Variants in STK17A observed in about 807,000 individuals in gnomAD.
STK17A encodes the protein serine/threonine-protein kinase 17A.
Under a neutral mutation model 43.7 loss-of-function variants are expected in STK17A, and 26 were observed. The ratio of observed to expected loss-of-function variants is 0.60; its 90% CI spans 0.44 to 0.83. The LOEUF (loss-of-function observed/expected upper bound fraction) is 0.83, where lower values mean the gene tolerates loss of function less well. Among genes scored for constraint, STK17A ranks in the 40% least tolerant of loss-of-function variants. STK17A has a pLI of 0.00. For synonymous variants in STK17A, 191 were observed against 182.5 expected (o/e 1.05, Z -0.38); for missense variants, 476 against 511.6 (o/e 0.93, Z 0.67).
intron 3 of STK17A, among the ~76,000 whole-genome samples, chr7:43,614,160 C>T (rs10215311): frequency 0.11 from 16,088 of 152,174 alleles, 1,195 homozygotes; most frequent in Non-Finnish European, 0.15. Flanking sequence ...TCTTAGCCGC[C>T]AAATCTTCTC....
chr7:43,616,725 G>A (rs562150829), intron 3 of STK17A, among the ~76,000 whole-genome samples: 274 of 152,114 alleles, frequency 1.8e-3, no homozygotes, highest in Non-Finnish European at 2.9e-3. Flanking sequence ...GTGAAACCCC[G>A]TCTCTACTAA....
At position 43,627,031 on chromosome 7, in the gene STK17A, T is replaced by C. The variant is rs1298132546; in HGVS notation, c.*2189T>C. Among the ~76,000 whole-genome samples, 2 of 152,236 alleles carry C rather than the reference T, an allele frequency of 1.3e-5. No individual in the cohort carries two copies. The highest frequency in any genetic ancestry group is 2.9e-5 in the Non-Finnish European group (2 of 68,044). On this transcript the variant is annotated 3_prime_UTR_variant, in exon 7 of 7. Transcript: ENST00000319357. ...TAACTGCCAGCTAGCTCTACACTTATCTAAAGCTGTTAATGTTCCTTTTTT... is the reference window on the plus strand; with the variant it reads ...TAACTGCCAGCTAGCTCTACACTTACCTAAAGCTGTTAATGTTCCTTTTTT...
At chr7:43,590,265 A>C (rs932853551) in intron 1 of STK17A, among the ~76,000 whole-genome samples, 8 of 151,324 alleles carry the variant, frequency 5.3e-5, no homozygotes, top group South Asian at 4.1e-4. Context: ...TTTTCTAAAC[A>C]ATTATTTTCA....
At chr7:43,601,290 A>G (rs2082552741) in intron 2 of STK17A, among the ~76,000 whole-genome samples, 1 of 152,248 alleles carries the variant, frequency 6.6e-6, no homozygotes, top group Non-Finnish European at 1.5e-5. Context: ...AATCCCTTCT[A>G]AAGAAATAAT....
At position 43,624,903 on chromosome 7, in the gene STK17A, A is replaced by G. The variant is rs2084335933; in HGVS notation, c.*61A>G. On this transcript the variant is annotated 3_prime_UTR_variant, in exon 7 of 7. Coordinates refer to ENST00000319357, the MANE Select transcript of STK17A (RefSeq NM_004760.3). ...TTGAAAATGTTAATATTATTTATGGACCTCTGGCCAAATGGTACATGTACT... is the reference window on the plus strand; with the variant it reads ...TTGAAAATGTTAATATTATTTATGGGCCTCTGGCCAAATGGTACATGTACT... 2.2e-6 allele frequency: 3 copies of G among 1,393,462 alleles called. No homozygotes were observed. The highest frequency in any genetic ancestry group is 2.9e-5 in the African/African-American group (2 of 68,988). 86.3% of individuals were successfully genotyped at this position (1,393,462 alleles called of 1,614,324 possible). A position where few individuals can be genotyped will look rare whatever the true frequency, so the allele number is the denominator to read the frequency against.
intron 2 of STK17A, among the ~76,000 whole-genome samples, chr7:43,600,790 G>A (rs527478749): frequency 6.4e-4 from 97 of 152,280 alleles, no homozygotes; most frequent in African/African-American, 2.3e-3. Flanking sequence ...ATGTTGACCA[G>A]GCTTGTCTCA....
intron 1 of STK17A, among the ~76,000 whole-genome samples, chr7:43,585,310 C>G (rs1280799095): frequency 1.4e-5 from 2 of 142,578 alleles, no homozygotes; most frequent in African/African-American, 2.5e-5. Context: ...CAAGCACTGT[C>G]TTGGAGATGT....
At chr7:43,600,578 T>C (rs187109063) in intron 2 of STK17A, among the ~76,000 whole-genome samples, 36 of 152,322 alleles carry the variant, frequency 2.4e-4, no homozygotes, top group Admixed American at 7.2e-4. Flanking sequence ...ATAATGTAAA[T>C]TTTAAAATAA....
intron 3 of STK17A, among the ~76,000 whole-genome samples, chr7:43,613,115 A>G (rs750993963): frequency 1.2e-4 from 18 of 152,158 alleles, no homozygotes; most frequent in Non-Finnish European, 2.4e-4. Context: ...TGGTCTTAAA[A>G]TCTATTGCTC....
At chr7:43,612,921 A>G (rs972238330) in intron 3 of STK17A, among the ~76,000 whole-genome samples, 5 of 152,226 alleles carry the variant, frequency 3.3e-5, no homozygotes, top group African/African-American at 1.2e-4. Context: ...CCATTCGTTT[A>G]ATATATAAAA....
chr7:43,620,878 G>A (rs1397999796), intron 4 of STK17A, among the ~76,000 whole-genome samples: 10 of 152,262 alleles, frequency 6.6e-5, no homozygotes, highest in Middle Eastern at 3.4e-3. Context: ...GAGGGCGGCC[G>A]TGGCAGGAAT....
chr7:43,615,985 C>T (rs1301035357), intron 3 of STK17A, among the ~76,000 whole-genome samples: 1 of 152,202 alleles, frequency 6.6e-6, no homozygotes, highest in Non-Finnish European at 1.5e-5. Flanking sequence ...TTTGAGTTCC[C>T]CATAGTGCTT....
intron 2 of STK17A, among the ~76,000 whole-genome samples, chr7:43,596,880 A>C (rs992554336): frequency 1.2e-4 from 18 of 151,450 alleles, no homozygotes; most frequent in Non-Finnish European, 2.4e-4. Flanking sequence ...AAAAAAAAAA[A>C]AAAAAACCTT....
Position 43,613,482 on chromosome 7 carries a change from C to A in STK17A, c.564+5082C>A, listed in dbSNP as rs185876784. Among the ~76,000 whole-genome samples the A allele has an allele frequency of 2.6e-5, 4 of 152,288 alleles. No individual in the cohort carries two copies. In the East Asian group the frequency reaches 7.7e-4, roughly 29 times the overall value. On this transcript the variant is annotated intron_variant, in intron 3 of 6. Coordinates refer to ENST00000319357, the MANE Select transcript of STK17A (RefSeq NM_004760.3). ...GTCCCTGAACCAATCCCCACTGATA[C>A]CATGGGACAACTATACTAGGATTCT...
Position 43,625,040 on chromosome 7 carries a change from A to AAC in STK17A, c.*198_*199insAC. On this transcript the variant is annotated 3_prime_UTR_variant, in exon 7 of 7. Coordinates refer to ENST00000319357, the MANE Select transcript of STK17A (RefSeq NM_004760.3). ...GCCAACCAGGAGATTTAACAGGTAC[A>AAC]GTTACCCGTTTCAATGTTATTTTTA... 2.3e-6 allele frequency: 1 copy of AAC among 429,076 alleles called. No individual in the cohort carries two copies. Among genetic ancestry groups the AAC allele is most frequent in the Non-Finnish European group, 4.1e-6 (1 of 243,744 alleles). The allele number at this position is 429,076 out of a possible 1,614,324, so 26.6% of individuals were successfully genotyped here.
intron 3 of STK17A, among the ~76,000 whole-genome samples, chr7:43,616,649 G>A (rs939149036): frequency 6.6e-6 from 1 of 152,184 alleles, no homozygotes; most frequent in African/African-American, 2.4e-5. Flanking sequence ...TGTAATCCCA[G>A]CACTTTGGGA....
intron 2 of STK17A, among the ~76,000 whole-genome samples, chr7:43,597,418 C>T (rs1474125692): frequency 6.6e-6 from 1 of 150,592 alleles, no homozygotes; most frequent in Admixed American, 6.6e-5. Context: ...GATGGATTTT[C>T]ACTCTTGTTG....
At chr7:43,616,626 G>A (rs1471736486) in intron 3 of STK17A, among the ~76,000 whole-genome samples, 5 of 152,116 alleles carry the variant, frequency 3.3e-5, no homozygotes, top group African/African-American at 9.7e-5. Context: ...GGCCGGGCGC[G>A]GTGGCTCACG....
chr7:43,616,211 C>T (rs185603167), intron 3 of STK17A, among the ~76,000 whole-genome samples: 5 of 152,322 alleles, frequency 3.3e-5, no homozygotes, highest in Admixed American at 6.5e-5. Context: ...ATATATTTAT[C>T]GCCTGAGCAC....
Sources: gnomAD v4.1 joint callset for allele counts (sites outside exome capture counted in the v4.1 genomes callset) on GRCh38, gnomAD v4.1.1 for gene constraint, MANE v1.5 for transcripts, NCBI Gene and HGNC (gene_info 2026-07-23, HGNC 2026-07-21) for gene names.